The following TBC1D9 variants were observed in gnomAD, a reference collection of about 807,000 sequenced individuals.
TBC1D9 encodes TBC1 domain family member 9.
TBC1D9 carries 63 observed loss-of-function variants against 132.0 expected under a neutral mutation model. The ratio of observed to expected loss-of-function variants is 0.48; its 90% CI spans 0.39 to 0.59. TBC1D9 has a LOEUF of 0.59. Among genes scored for constraint, TBC1D9 ranks in the 20% least tolerant of loss-of-function variants. The pLI is 0.00. For synonymous variants in TBC1D9, 610 were observed against 609.9 expected, an observed-to-expected ratio of 1.00 and a Z score of 0.00; for missense variants, 1,261 against 1,592.7, an observed-to-expected ratio of 0.79 and a Z score of 3.54.
At chr4:140,655,222 T>G (rs891426952) in intron 13 of TBC1D9, among the ~76,000 whole-genome samples, 4 of 152,160 alleles carry the variant, frequency 2.6e-5, no homozygotes, top group African/African-American at 4.8e-5. Flanking sequence ...AAAATGAACA[T>G]GTATTGCTTT....
chr4:140,713,536 A>C (rs190080711), intron 1 of TBC1D9, among the ~76,000 whole-genome samples: 97 of 152,236 alleles, frequency 6.4e-4, no homozygotes, highest in Admixed American at 2.0e-3. Context: ...CAGGAGTCTG[A>C]GACAGCCTGG....
At chr4:140,709,502 TAA>T (rs35990752) in intron 1 of TBC1D9, among the ~76,000 whole-genome samples, 91 of 146,682 alleles carry the variant, frequency 6.2e-4, no homozygotes, top group Middle Eastern at 3.5e-3. Flanking sequence ...TATGGAATAC[TAA>T]AAAAAAAAAA....
chr4:140,674,830 C>A (rs1737597598), intron 6 of TBC1D9, among the ~76,000 whole-genome samples: 2 of 151,958 alleles, frequency 1.3e-5, no homozygotes, highest in African/African-American at 4.8e-5. Context: ...TCCCAAGTAG[C>A]TAGGACTACA....
At chr4:140,746,637 C>T (rs573781101) in intron 1 of TBC1D9, among the ~76,000 whole-genome samples, 5 of 152,182 alleles carry the variant, frequency 3.3e-5, no homozygotes, top group South Asian at 2.1e-4. Flanking sequence ...AGCAAAGGGA[C>T]GTCTCATATG....
At chr4:140,724,950 A>G (rs928846685) in intron 1 of TBC1D9, among the ~76,000 whole-genome samples, 3 of 152,266 alleles carry the variant, frequency 2.0e-5, no homozygotes, top group African/African-American at 7.2e-5. Context: ...TTCCTCACAC[A>G]TGGTTTGTGA....
intron 1 of TBC1D9, among the ~76,000 whole-genome samples, chr4:140,714,150 T>C (rs1738294014): frequency 6.6e-6 from 1 of 152,152 alleles, no homozygotes; most frequent in Non-Finnish European, 1.5e-5. Flanking sequence ...AAACGTGGCC[T>C]AGGATGAAAA....
chr4:140,735,525 A>G (rs1738659407), intron 1 of TBC1D9, among the ~76,000 whole-genome samples: 1 of 152,152 alleles, frequency 6.6e-6, no homozygotes. Flanking sequence ...TAGCCTGGGC[A>G]ACATAGTGAG....
chr4:140,736,954 T>A (rs1738682172), intron 1 of TBC1D9, among the ~76,000 whole-genome samples: 1 of 152,172 alleles, frequency 6.6e-6, no homozygotes, highest in African/African-American at 2.4e-5. Context: ...TCCAATCTTT[T>A]TGGCACCAGG....
intron 1 of TBC1D9, among the ~76,000 whole-genome samples, chr4:140,716,922 A>G (rs1428259455): frequency 3.1e-5 from 2 of 65,088 alleles, no homozygotes; most frequent in Non-Finnish European, 7.8e-5. Context: ...TGGGGGCTGT[A>G]AAAAAAAAAA....
intron 6 of TBC1D9, among the ~76,000 whole-genome samples, chr4:140,672,300 A>T (rs566233382): frequency 6.6e-6 from 1 of 150,888 alleles, no homozygotes; most frequent in African/African-American, 2.4e-5. Flanking sequence ...ATCTTCTGAG[A>T]CACCTGAAGT....
At chr4:140,753,464 G>A (rs1020110751) in intron 1 of TBC1D9, among the ~76,000 whole-genome samples, 15 of 152,146 alleles carry the variant, frequency 9.9e-5, no homozygotes, top group African/African-American at 3.6e-4. Context: ...GGAGAAGAGA[G>A]AAGTCAGGGC....
Position 140,637,463 on chromosome 4 carries a change from C to T in TBC1D9, c.2505+1623G>A, listed in dbSNP as rs146110352. 2.2e-3 allele frequency among the ~76,000 whole-genome samples: 332 copies of T among 152,288 alleles called. 1 individual carries two copies. The highest frequency in any genetic ancestry group is 7.2e-3 in the African/African-American group (300 of 41,550). On this transcript the variant is annotated intron_variant, in intron 15 of 20. Coordinates refer to ENST00000442267, the MANE Select transcript of TBC1D9 (RefSeq NM_015130.3). ...TTTCCCCGAGTCAGCCTCCTCTGTC[C>T]GCTGTCACAGTCCTTTCTCTTACCT...
chr4:140,738,358 C>A (rs1738708088), intron 1 of TBC1D9, among the ~76,000 whole-genome samples: 1 of 152,014 alleles, frequency 6.6e-6, no homozygotes, highest in African/African-American at 2.4e-5. Flanking sequence ...GCATAATTGA[C>A]CCCCCCTTTC....
Position 140,657,124 on chromosome 4 carries a change from G to C in TBC1D9, c.2310C>G (p.Ile770Met). ...CGTAGGAAGTTCTGATGAGTCTAAA[G>C]ATGTCTACCTCAGGGTAAGGTTCCA... ...DDVEPYPEVDIFRLIRTSYEK... is the reference protein window; with the variant it reads ...DDVEPYPEVDMFRLIRTSYEK... The change falls in exon 13 of 21, where the codon ATC (isoleucine) becomes ATG (methionine). Residue 770 changes from isoleucine to methionine, a missense_variant. By Grantham distance (10) the Ile-to-Met change is conservative. Transcript: ENST00000442267. 1 of 1,613,976 alleles carries C rather than the reference G, an allele frequency of 6.2e-7. No homozygotes were observed. The highest frequency in any genetic ancestry group is 1.7e-4 in the Middle Eastern group (1 of 6,030).
chr4:140,663,765 T>C lies in TBC1D9; in HGVS notation c.1589-1658A>G, dbSNP rs965400362. Among the ~76,000 whole-genome samples, 6 of 152,116 alleles carry C rather than the reference T, an allele frequency of 3.9e-5. No individual in the cohort carries two copies. The East Asian group carries it at 9.6e-4, about 24-fold the overall frequency. Reference sequence around the variant, plus strand: ...ACATGGTTGAACCCAGAAGACATTATGCTAAGTGAAATAAGCCAGGCACAG... The same window carrying C: ...ACATGGTTGAACCCAGAAGACATTACGCTAAGTGAAATAAGCCAGGCACAG... On this transcript the variant is annotated intron_variant, in intron 9 of 20. Coordinates refer to ENST00000442267, the MANE Select transcript of TBC1D9 (RefSeq NM_015130.3).
At chr4:140,716,302 C>CTCCTTGCTG (rs1738332843) in intron 1 of TBC1D9, among the ~76,000 whole-genome samples, 2 of 152,076 alleles carry the variant, frequency 1.3e-5, no homozygotes, top group African/African-American at 4.8e-5. Context: ...GCAAGGGCAA[C>CTCCTTGCTG]ACAGTGAGAC....
chr4:140,644,771 G>T, intron 13 of TBC1D9: 1 of 403,438 alleles, frequency 2.5e-6, no homozygotes, highest in Non-Finnish European at 4.9e-6. Context: ...GGAGAGTACA[G>T]GGCGGGGCAA....
chr4:140,728,280 A>C (rs564769270), intron 1 of TBC1D9, among the ~76,000 whole-genome samples: 19 of 152,298 alleles, frequency 1.2e-4, no homozygotes, highest in Admixed American at 1.2e-3. Context: ...CATTCTTTTG[A>C]TACCATATTC....
chr4:140,661,939 ACT>A lies in TBC1D9; in HGVS notation c.1755_1756del (p.Arg585SerfsTer43). The stretch of plus-strand genomic sequence containing the variant: ...ATTTCGAAAAGCATAAGCTGTTAAG[ACT>A]CTCCTTAGTGCAGCAATGCCCATTT... On this transcript the variant is annotated frameshift_variant, in exon 10 of 21. Coordinates refer to ENST00000442267, the MANE Select transcript of TBC1D9 (RefSeq NM_015130.3). LOFTEE classifies it high-confidence loss of function. 6.2e-7 allele frequency: 1 copy of A among 1,613,730 alleles called. No individual in the cohort carries two copies. The highest frequency in any genetic ancestry group is 1.3e-5 in the African/African-American group (1 of 74,942).
Sources: allele counts gnomAD v4.1 joint callset (sites outside exome capture counted in the v4.1 genomes callset), GRCh38; gene constraint gnomAD v4.1.1; transcripts MANE v1.5; gene names NCBI Gene and HGNC (gene_info 2026-07-23, HGNC 2026-07-21).